LUZP2: variants seen among roughly 807,000 people sequenced by gnomAD.
LUZP2 encodes leucine zipper protein 2.
A neutral mutation model predicts 51.6 loss-of-function variants in LUZP2; 52 were observed. The observed-to-expected ratio is 1.01, with a 90% CI of 0.81 to 1.27. The LOEUF (loss-of-function observed/expected upper bound fraction) is 1.27. Among genes scored for constraint, LUZP2 ranks in the 50% most tolerant of loss-of-function variants. The pLI, the probability that LUZP2 is intolerant of heterozygous loss-of-function variation, is 0.00. For missense variants in LUZP2, 436 were observed against 395.4 expected (o/e 1.10, Z -0.87); for synonymous variants, 154 against 137.3 (o/e 1.12, Z -0.85).
chr11:24,719,790 A>G (rs1858194202), intron 1 of LUZP2, among the ~76,000 whole-genome samples: 1 of 152,184 alleles, frequency 6.6e-6, no homozygotes, highest in African/African-American at 2.4e-5. Context: ...AAACCTGAAA[A>G]ATACTCCCTG....
At chr11:25,023,591 A>T (rs939527106) in intron 9 of LUZP2, among the ~76,000 whole-genome samples, 10 of 104,894 alleles carry the variant, frequency 9.5e-5, no homozygotes, top group South Asian at 2.9e-4. Flanking sequence ...CAGCTCCTGG[A>T]TTCATTGATT....
chr11:25,072,392 G>T (rs774822236), intron 10 of LUZP2, among the ~76,000 whole-genome samples: 11 of 152,024 alleles, frequency 7.2e-5, no homozygotes, highest in Non-Finnish European at 1.5e-4. Context: ...AAATGTTTGT[G>T]GAATGAATGA....
chr11:24,537,717 G>A (rs542630234), intron 1 of LUZP2, among the ~76,000 whole-genome samples: 12 of 151,802 alleles, frequency 7.9e-5, no homozygotes, highest in Non-Finnish European at 1.6e-4. Context: ...AAACTAAAGT[G>A]AAAAGCCTTT....
chr11:24,775,742 G>T (rs1848896656), intron 5 of LUZP2, among the ~76,000 whole-genome samples: 1 of 151,994 alleles, frequency 6.6e-6, no homozygotes, highest in Non-Finnish European at 1.5e-5. Flanking sequence ...GTTGCATCTG[G>T]GTCACTTTTT....
At chr11:24,728,040 A>G (rs1590407468) in intron 1 of LUZP2, among the ~76,000 whole-genome samples, 1 of 152,188 alleles carries the variant, frequency 6.6e-6, no homozygotes, top group East Asian at 1.9e-4. Flanking sequence ...TCAATGCTTT[A>G]CACAAATTAC....
intron 7 of LUZP2, among the ~76,000 whole-genome samples, chr11:24,917,576 A>G (rs1590726625): frequency 6.6e-6 from 1 of 152,144 alleles, no homozygotes; most frequent in Non-Finnish European, 1.5e-5. Context: ...TCCCAGCACC[A>G]TTTATTAAAT....
chr11:24,676,662 T>G (rs1031052426), intron 1 of LUZP2, among the ~76,000 whole-genome samples: 17 of 96,526 alleles, frequency 1.8e-4, no homozygotes, highest in African/African-American at 2.6e-4. Context: ...TTTTTGTTTG[T>G]TTTTTTTTTG....
At chr11:24,944,858 G>A (rs1338151405) in intron 7 of LUZP2, among the ~76,000 whole-genome samples, 1 of 152,174 alleles carries the variant, frequency 6.6e-6, no homozygotes, top group African/African-American at 2.4e-5. Flanking sequence ...TCTGTTGCAG[G>A]ATAAAGGCTT....
chr11:24,782,885 A>T (rs890426521), intron 5 of LUZP2, among the ~76,000 whole-genome samples: 4 of 152,056 alleles, frequency 2.6e-5, no homozygotes, highest in Non-Finnish European at 5.9e-5. Context: ...TGCACAATTC[A>T]GTAAATCAGT....
chr11:24,595,083 G>T (rs141206798), intron 1 of LUZP2, among the ~76,000 whole-genome samples: 193 of 151,290 alleles, frequency 1.3e-3, no homozygotes, highest in Non-Finnish European at 2.4e-3. Context: ...ATCCTTAGAA[G>T]ATATTTTTCA....
At chr11:24,705,551 T>A (rs750612700) in intron 1 of LUZP2, among the ~76,000 whole-genome samples, 1 of 152,190 alleles carries the variant, frequency 6.6e-6, no homozygotes, top group Non-Finnish European at 1.5e-5. Flanking sequence ...CAGCTGTGCC[T>A]GTTGAAAACC....
chr11:25,068,145 TC>T (rs1360931144), intron 10 of LUZP2, among the ~76,000 whole-genome samples: 2 of 151,716 alleles, frequency 1.3e-5, no homozygotes, highest in African/African-American at 4.8e-5. Flanking sequence ...GAGGGGAACA[TC>T]ACACACTGGG....
At chr11:24,697,317 A>G (rs1316364434) in intron 1 of LUZP2, among the ~76,000 whole-genome samples, 1 of 152,172 alleles carries the variant, frequency 6.6e-6, no homozygotes. Flanking sequence ...TAAGAGATCT[A>G]TGTATATGAG....
chr11:25,027,906 T>C (rs115947744), intron 9 of LUZP2, among the ~76,000 whole-genome samples: 4,644 of 151,082 alleles, frequency 0.031, 220 homozygotes, highest in African/African-American at 0.1. Context: ...TTAGATACCA[T>C]CAATGTTTTC....
intron 1 of LUZP2, among the ~76,000 whole-genome samples, chr11:24,531,526 A>G (rs577590177): frequency 6.6e-6 from 1 of 150,916 alleles, no homozygotes; most frequent in East Asian, 1.9e-4. Context: ...ATGAGAATGC[A>G]TTTTTCCTAT....
chr11:24,620,662 T>C (rs1446915662), intron 1 of LUZP2, among the ~76,000 whole-genome samples: 1 of 152,224 alleles, frequency 6.6e-6, no homozygotes, highest in East Asian at 1.9e-4. Context: ...ATACACTGTT[T>C]GAACATTTGA....
At chr11:24,509,881 A>G (rs951725225) in intron 1 of LUZP2, among the ~76,000 whole-genome samples, 3 of 152,052 alleles carry the variant, frequency 2.0e-5, no homozygotes, top group Non-Finnish European at 4.4e-5. Context: ...CATTTCCCCT[A>G]TATATTCTTT....
intron 5 of LUZP2, among the ~76,000 whole-genome samples, chr11:24,858,908 T>G (rs2134240431): frequency 6.6e-6 from 1 of 152,338 alleles, no homozygotes; most frequent in East Asian, 1.9e-4. Flanking sequence ...AATCCAGTGT[T>G]CTTCAGAGAT....
chr11:24,778,188 T>A (rs1024740443), intron 5 of LUZP2, among the ~76,000 whole-genome samples: 2 of 151,860 alleles, frequency 1.3e-5, no homozygotes, highest in African/African-American at 4.8e-5. Flanking sequence ...AATGCTTGAG[T>A]CCAAGAATTT....
Sources: gnomAD v4.1 joint callset for allele counts (sites outside exome capture counted in the v4.1 genomes callset) on GRCh38, gnomAD v4.1.1 for gene constraint, MANE v1.5 for transcripts, NCBI Gene and HGNC (gene_info 2026-07-23, HGNC 2026-07-21) for gene names.